CDH13: variants seen among roughly 807,000 people sequenced by gnomAD.
CDH13 encodes cadherin-13.
A neutral mutation model predicts 63.8 loss-of-function variants in CDH13; 24 were observed. The observed-to-expected ratio is 0.38, with a 90% CI of 0.27 to 0.53. CDH13 has a LOEUF of 0.53. CDH13 is among the 20% of genes least tolerant of loss of function. The pLI is 0.85. For synonymous variants in CDH13, 503 were observed against 355.3 expected (o/e 1.42, Z -4.67); for missense variants, 1,049 against 903.1 (o/e 1.16, Z -2.07).
chr16:83,191,875 C>T (rs1397734248), intron 4 of CDH13, among the ~76,000 whole-genome samples: 8 of 152,020 alleles, frequency 5.3e-5, no homozygotes, highest in Admixed American at 2.0e-4. Flanking sequence ...CACAAATGTT[C>T]ATCTCCTTTG....
chr16:82,852,930 C>G (rs1016801105), intron 1 of CDH13, among the ~76,000 whole-genome samples: 2 of 152,056 alleles, frequency 1.3e-5, no homozygotes, highest in African/African-American at 4.8e-5. Context: ...GAAGCAAACT[C>G]CAAAGTTGGG....
chr16:82,667,664 G>GT (rs1243577728), intron 1 of CDH13, among the ~76,000 whole-genome samples: 1 of 152,136 alleles, frequency 6.6e-6, no homozygotes, highest in Non-Finnish European at 1.5e-5. Flanking sequence ...GAGATGTGAC[G>GT]TGAGTGAGGA....
intron 10 of CDH13, among the ~76,000 whole-genome samples, chr16:83,711,747 C>T (rs1274652088): frequency 5.3e-5 from 8 of 152,140 alleles, no homozygotes; most frequent in Admixed American, 4.6e-4. Context: ...GAACTCCTGA[C>T]CTTAAATGAT....
chr16:83,222,164 A>T (rs1009840981), intron 5 of CDH13, among the ~76,000 whole-genome samples: 1 of 152,192 alleles, frequency 6.6e-6, no homozygotes, highest in East Asian at 1.9e-4. Context: ...CAGAACATGG[A>T]AAGGACCTCA....
chr16:83,110,239 T>C (rs565291617), intron 3 of CDH13, among the ~76,000 whole-genome samples: 9 of 152,248 alleles, frequency 5.9e-5, no homozygotes, highest in Non-Finnish European at 1.0e-4. Context: ...TTCTGATCAC[T>C]CCATCAACTG....
At chr16:82,863,287 G>A (rs1424201500) in intron 2 of CDH13, among the ~76,000 whole-genome samples, 1 of 152,166 alleles carries the variant, frequency 6.6e-6, no homozygotes, top group Admixed American at 6.5e-5. Context: ...GCTTTCCTTA[G>A]TAGAGAAATA....
chr16:83,369,777 G>A (rs1250420173), intron 6 of CDH13, among the ~76,000 whole-genome samples: 1 of 151,908 alleles, frequency 6.6e-6, no homozygotes, highest in Non-Finnish European at 1.5e-5. Flanking sequence ...CTCCTCCTAG[G>A]TCACTTCCTG....
In CDH13 at chr16:83,795,204, G is replaced by A; in HGVS notation, c.*174G>A. ...CACTTAGTCTGTACTTCATCATTTT[G>A]ACAGCATCTTCCTCCCTCCTTTAAT... On this transcript the variant is annotated 3_prime_UTR_variant, in exon 14 of 14. Coordinates refer to ENST00000567109, the MANE Select transcript of CDH13 (RefSeq NM_001257.5). The A allele has an allele frequency of 3.6e-6, 2 of 557,870 alleles. No homozygotes were observed. The highest frequency in any genetic ancestry group is 5.9e-5 in the East Asian group (2 of 34,084). 34.6% of individuals were successfully genotyped at this position (557,870 alleles called of 1,614,324 possible).
chr16:83,182,097 C>G (rs866773037), intron 4 of CDH13, among the ~76,000 whole-genome samples: 6 of 152,152 alleles, frequency 3.9e-5, no homozygotes, highest in Admixed American at 6.5e-5. Flanking sequence ...TAAATACCAG[C>G]TACATCCTAA....
intron 1 of CDH13, among the ~76,000 whole-genome samples, chr16:82,817,761 C>T (rs1367740255): frequency 3.3e-5 from 5 of 152,120 alleles, no homozygotes; most frequent in Non-Finnish European, 7.4e-5. Flanking sequence ...GCCACAGTCA[C>T]ACCACTGCAC....
intron 1 of CDH13, among the ~76,000 whole-genome samples, chr16:82,746,690 C>T (rs907039813): frequency 1.3e-5 from 2 of 151,876 alleles, no homozygotes; most frequent in Admixed American, 6.6e-5. Context: ...CATATATATA[C>T]AATTTCATTT....
chr16:83,223,124 C>A (rs781128153), intron 5 of CDH13, among the ~76,000 whole-genome samples: 7 of 152,184 alleles, frequency 4.6e-5, no homozygotes, highest in Non-Finnish European at 7.3e-5. Context: ...ACTGCTGTAA[C>A]AAAATATCGG....
At chr16:83,296,786 T>C (rs1252057755) in intron 5 of CDH13, among the ~76,000 whole-genome samples, 2 of 152,148 alleles carry the variant, frequency 1.3e-5, no homozygotes, top group Non-Finnish European at 2.9e-5. Flanking sequence ...CAACAGCAGA[T>C]TGCATGTACA....
chr16:82,710,555 ATATAT>A (rs1567649973), intron 1 of CDH13, among the ~76,000 whole-genome samples: 1,352 of 77,896 alleles, frequency 0.017, 31 homozygotes, highest in African/African-American at 0.059. Flanking sequence ...AAAAAAAAAT[ATATAT>A]ATATATATAT....
chr16:83,090,722 G>T (rs1439917006), intron 3 of CDH13, among the ~76,000 whole-genome samples: 1 of 151,980 alleles, frequency 6.6e-6, no homozygotes, highest in Non-Finnish European at 1.5e-5. Flanking sequence ...TGCACGAGTT[G>T]GTGATTAAAC....
chr16:83,518,139 G>T (rs986799146), intron 7 of CDH13, among the ~76,000 whole-genome samples: 1 of 109,836 alleles, frequency 9.1e-6, no homozygotes, highest in Non-Finnish European at 1.8e-5. Context: ...CATGAGATGT[G>T]ATGGTCTTTT....
intron 5 of CDH13, among the ~76,000 whole-genome samples, chr16:83,272,620 C>T (rs1256343541): frequency 6.6e-6 from 1 of 152,150 alleles, no homozygotes; most frequent in Non-Finnish European, 1.5e-5. Context: ...CACCAGGCTG[C>T]AGAGAGACAT....
chr16:83,372,793 A>G (rs1447272767), intron 6 of CDH13, among the ~76,000 whole-genome samples: 2 of 151,570 alleles, frequency 1.3e-5, no homozygotes, highest in African/African-American at 4.8e-5. Context: ...AGAGAGCGAC[A>G]ACTCATCTCT....
At chr16:83,742,122 C>T (rs1344661811) in intron 10 of CDH13, among the ~76,000 whole-genome samples, 3 of 152,208 alleles carry the variant, frequency 2.0e-5, no homozygotes, top group African/African-American at 7.2e-5. Context: ...AATACTTGAG[C>T]CCCTGAGGGC....
Sources: allele counts gnomAD v4.1 joint callset (sites outside exome capture counted in the v4.1 genomes callset), GRCh38; gene constraint gnomAD v4.1.1; transcripts MANE v1.5; gene names NCBI Gene and HGNC (gene_info 2026-07-23, HGNC 2026-07-21).